USP54: variants seen among roughly 807,000 people sequenced by gnomAD.
The protein encoded by USP54 is ubiquitin specific peptidase 54.
In USP54, 87 loss-of-function variants were observed where a neutral mutation model predicts 170.5. The ratio of observed to expected loss-of-function variants is 0.51; its 90% confidence interval spans 0.43 to 0.61. The LOEUF is 0.61. USP54 is among the 20% of genes least tolerant of loss of function. The pLI is 0.00. For missense variants in USP54, 1,786 were observed against 2,047.8 expected, an observed-to-expected ratio of 0.87 and a Z score of 2.47; for synonymous variants, 655 against 742.8, an observed-to-expected ratio of 0.88 and a Z score of 1.92.
chr10:73,621,327 C>T (rs1217123379), intron 1 of USP54, among the ~76,000 whole-genome samples: 1 of 148,602 alleles, frequency 6.7e-6, no homozygotes, highest in Non-Finnish European at 1.5e-5. Context: ...GAAGGCGGGG[C>T]ACAGTGGCTC....
Position 73,517,207 on chromosome 10 carries a change from G to A in USP54, c.3219C>T (p.His1073=), listed in dbSNP as rs1237617662. ...ATGAAGAAGCAACAGGCATTATGGG[G>A]TGGCAGGTTCTATACAGGGGAAGGC... is the stretch of plus-strand genomic sequence containing the variant. ...QPSLPLYRTC[H]PIMPVASSFV... The change falls in exon 20 of 24, where the codon CAC becomes CAT. Residue 1073 remains histidine, a synonymous_variant. Coordinates refer to ENST00000687698, the MANE Select transcript of USP54 (RefSeq NM_001391956.1). 7 of 1,614,078 alleles carry A rather than the reference G, an allele frequency of 4.3e-6. No homozygotes were observed. The highest frequency in any genetic ancestry group is 5.9e-6 in the Non-Finnish European group (7 of 1,180,040).
chr10:73,593,209 AAAG>A (rs2078435559), upstream of USP54, among the ~76,000 whole-genome samples: 1 of 151,428 alleles, frequency 6.6e-6, no homozygotes, highest in African/African-American at 2.4e-5. Context: ...AAAAAAAAAG[AAAG>A]AAAGAAAGTT....
intron 23 of USP54, 138 bp from the exon 24 acceptor site, chr10:73,499,326 G>T: frequency 1.1e-6 from 1 of 886,314 alleles, no homozygotes; most frequent in Non-Finnish European, 1.7e-6. Context: ...GAATCAAGCT[G>T]TGCTTTTGAT....
At chr10:73,574,781 C>A (rs573790998) in intron 3 of USP54, among the ~76,000 whole-genome samples, 1 of 150,960 alleles carries the variant, frequency 6.6e-6, no homozygotes, top group Non-Finnish European at 1.5e-5. Flanking sequence ...ATCACCTGAG[C>A]CCTGGAGGTC....
intron 1 of USP54, among the ~76,000 whole-genome samples, chr10:73,610,195 A>C (rs1439508491): frequency 6.6e-6 from 1 of 152,134 alleles, no homozygotes; most frequent in Non-Finnish European, 1.5e-5. Flanking sequence ...AAAAATAAAA[A>C]TAAAAAAACT....
intron 12 of USP54, among the ~76,000 whole-genome samples, chr10:73,531,809 T>C (rs113515189): frequency 2.6e-5 from 4 of 152,212 alleles, no homozygotes; most frequent in African/African-American, 9.6e-5. Context: ...TAACTTGCCC[T>C]GCTTCATGCC....
intron 3 of USP54, among the ~76,000 whole-genome samples, chr10:73,572,469 A>G (rs1170254721): frequency 1.3e-5 from 2 of 152,234 alleles, no homozygotes; most frequent in East Asian, 3.8e-4. Context: ...GTCATAATAC[A>G]TGAAAAAGCA....
At chr10:73,528,396 C>T (rs539478147) in intron 15 of USP54, among the ~76,000 whole-genome samples, 1 of 151,482 alleles carries the variant, frequency 6.6e-6, no homozygotes, top group African/African-American at 2.4e-5. Flanking sequence ...GGATTACAGG[C>T]TCCCACCACC....
At chr10:73,582,140 G>T (rs1193844681) in intron 1 of USP54, among the ~76,000 whole-genome samples, 1 of 152,140 alleles carries the variant, frequency 6.6e-6, no homozygotes. Context: ...TCATTCAAAG[G>T]AACTGGCTTG....
chr10:73,618,496 A>G (rs1340922994), intron 1 of USP54, among the ~76,000 whole-genome samples: 1 of 149,814 alleles, frequency 6.7e-6, no homozygotes, highest in Non-Finnish European at 1.5e-5. Flanking sequence ...TAATCCCAGC[A>G]CTTTGGGAGG....
chr10:73,517,643 G>A lies in USP54; in HGVS notation c.2783C>T (p.Ser928Phe). 1.2e-6 allele frequency: 2 copies of A among 1,614,218 alleles called. No homozygotes were observed. Among genetic ancestry groups the A allele is most frequent in the Non-Finnish European group, 1.7e-6 (2 of 1,180,050 alleles). The change falls in exon 20 of 24, where the codon TCC (serine) becomes TTC (phenylalanine). Residue 928 changes from serine (S) to phenylalanine (F), a missense_variant. Physicochemically the swap from Ser to Phe is radical, Grantham distance 155. Around this residue, in one of 3 missense-constraint regions of USP54, gnomAD observed 1,418 missense variants for 1,569.0 expected, o/e 0.90. Coordinates refer to ENST00000687698, the MANE Select transcript of USP54 (RefSeq NM_001391956.1). Reference sequence around the variant, plus strand: ...TAGTGATGAGTGTGACTCATGGCAGGAAGCAGGTGAATGGAAGAAAGAACT... The same window carrying A: ...TAGTGATGAGTGTGACTCATGGCAGAAAGCAGGTGAATGGAAGAAAGAACT... ...GASSFFHSPASCHESHSSLSP... is the reference protein window; with the variant it reads ...GASSFFHSPAFCHESHSSLSP...
intron 3 of USP54, among the ~76,000 whole-genome samples, chr10:73,573,999 C>T (rs1403039413): frequency 6.6e-6 from 1 of 152,306 alleles, no homozygotes; most frequent in Non-Finnish European, 1.5e-5. Flanking sequence ...TTTCTCATAA[C>T]ATCTGAGGAG....
intron 20 of USP54, 102 bp downstream of exon 20, chr10:73,516,273 C>A (rs781771927): frequency 2.2e-5 from 28 of 1,272,814 alleles, no homozygotes; most frequent in Admixed American, 9.2e-5. Flanking sequence ...TCCTACTAAG[C>A]TGGGGATAGT....
At chr10:73,512,345 G>T (rs1369812332) in intron 20 of USP54, among the ~76,000 whole-genome samples, 1 of 151,954 alleles carries the variant, frequency 6.6e-6, no homozygotes, top group African/African-American at 2.4e-5. Flanking sequence ...TTACTGTGTT[G>T]CCCAGCTGGT....
intron 3 of USP54, among the ~76,000 whole-genome samples, chr10:73,573,885 G>A (rs2075678134): frequency 6.6e-6 from 1 of 152,246 alleles, no homozygotes; most frequent in Admixed American, 6.5e-5. Context: ...AAAGTCACAA[G>A]ACTAGTCTAC....
Position 73,499,013 on chromosome 10 carries a change from C to T in USP54, c.4671G>A (p.Leu1557=). The T allele has an allele frequency of 6.2e-7, 1 of 1,614,100 alleles. No homozygotes were observed. The highest frequency in any genetic ancestry group is 1.1e-5 in the South Asian group (1 of 91,074). ...ETNQHIGTRF[L]TTPGCNPQLT... ...GTTGAGGATTGCACCCTGGAGTAGTCAGGAATCTGGTCCCAATATGCTGGT... is the reference window on the plus strand; with the variant it reads ...GTTGAGGATTGCACCCTGGAGTAGTTAGGAATCTGGTCCCAATATGCTGGT... Residue 1557 remains leucine (L), a synonymous_variant, in exon 24 of 24, where the codon CTG becomes CTA. Coordinates refer to ENST00000687698, the MANE Select transcript of USP54 (RefSeq NM_001391956.1).
intron 4 of USP54, among the ~76,000 whole-genome samples, chr10:73,560,836 G>T (rs1470796214): frequency 6.6e-6 from 1 of 151,612 alleles, no homozygotes; most frequent in African/African-American, 2.4e-5. Context: ...CGGGTACGGT[G>T]GCTCACACCT....
At position 73,536,355 on chromosome 10, in the gene USP54, T is replaced by A; in HGVS notation, c.1058A>T (p.Gln353Leu). 1 of 1,613,646 alleles carries A rather than the reference T, an allele frequency of 6.2e-7. No homozygotes were observed. Among genetic ancestry groups the A allele is most frequent in the South Asian group, 1.1e-5 (1 of 91,024 alleles). The change falls in exon 11 of 24, where the codon CAG becomes CTG. Residue 353 changes from glutamine to leucine, a missense_variant. Gln to Leu is a moderately radical substitution (Grantham distance 113). Around this residue, in one of 3 missense-constraint regions of USP54, gnomAD observed 361 missense variants for 455.0 expected, o/e 0.79. Transcript: ENST00000687698. Reference sequence around the variant, plus strand: ...GTCCTGGGTGGAAACTGGGGTACCCTGGGGATCTGCATAAAGCAGCAGCAG... The same window carrying A: ...GTCCTGGGTGGAAACTGGGGTACCCAGGGGATCTGCATAAAGCAGCAGCAG... The part of the protein sequence containing the change: ...QPLLLLYADP[Q>L]GTPVSTQDLP...
Position 73,498,583 on chromosome 10 carries a change from G to C in USP54, c.*46C>G. 2 of 1,502,438 alleles carry C rather than the reference G, an allele frequency of 1.3e-6. No homozygotes were observed. Among genetic ancestry groups the C allele is most frequent in the Non-Finnish European group, 1.8e-6 (2 of 1,124,244 alleles). The allele number at this position is 1,502,438 out of a possible 1,614,324, so 93.1% of individuals were successfully genotyped here. ...GCCACCGCGCCCGGCCCACAGTACA[G>C]TTTTACAAAGAAAGGTGTAGCTCCA... On this transcript the variant is annotated 3_prime_UTR_variant, in exon 24 of 24. Coordinates refer to ENST00000687698, the MANE Select transcript of USP54 (RefSeq NM_001391956.1).
Sources: gnomAD v4.1 joint callset for allele counts (sites outside exome capture counted in the v4.1 genomes callset) on GRCh38, gnomAD v4.1.1 for gene constraint, gnomAD v4.1.1 regional missense constraint, MANE v1.5 for transcripts, NCBI Gene and HGNC (gene_info 2026-07-23, HGNC 2026-07-21) for gene names.